Variants in RALYL observed in about 807,000 individuals in gnomAD.
RALYL encodes RALY RNA binding protein like, also known as RNA-binding Raly-like protein.
In RALYL, 29 loss-of-function variants were observed where a neutral mutation model predicts 35.1. That is an observed-to-expected ratio of 0.83 (90% CI 0.61 to 1.13). The LOEUF is 1.13. RALYL is among the 50% of genes most tolerant of loss of function. The pLI, the probability that RALYL is intolerant of heterozygous loss-of-function variation, is 0.00. For missense variants in RALYL, 359 were observed against 360.4 expected (o/e 1.00, Z 0.03); for synonymous variants, 120 against 127.6 (o/e 0.94, Z 0.40).
intron 1 of RALYL, among the ~76,000 whole-genome samples, chr8:84,317,294 G>A (rs1843936364): frequency 6.6e-6 from 1 of 152,046 alleles, no homozygotes; most frequent in Admixed American, 6.6e-5. Context: ...TAAACCAAAG[G>A]ACTTTTATTA....
intron 1 of RALYL, among the ~76,000 whole-genome samples, chr8:84,241,902 T>C (rs545858284): frequency 4.3e-4 from 65 of 152,084 alleles, no homozygotes; most frequent in Non-Finnish European, 7.6e-4. Context: ...GTGTGTTACA[T>C]AGGTAAACAT....
intron 1 of RALYL, among the ~76,000 whole-genome samples, chr8:84,305,454 C>T (rs142914827): frequency 6.8e-4 from 104 of 152,062 alleles, no homozygotes; most frequent in Non-Finnish European, 1.2e-3. Context: ...GGAAAAATAA[C>T]GTATATAGAG....
intron 2 of RALYL, among the ~76,000 whole-genome samples, chr8:84,592,342 C>A (rs1480445250): frequency 1.3e-5 from 2 of 152,088 alleles, no homozygotes; most frequent in African/African-American, 2.4e-5. Context: ...TCAAAAATAA[C>A]CGTGCTCACT....
At chr8:84,639,049 A>G (rs1013756630) in intron 2 of RALYL, among the ~76,000 whole-genome samples, 6 of 149,856 alleles carry the variant, frequency 4.0e-5, no homozygotes, top group African/African-American at 1.2e-4. Context: ...AGGCCTCATG[A>G]GTCAAAAGGT....
At chr8:84,468,972 C>G (rs1318240663) in intron 1 of RALYL, among the ~76,000 whole-genome samples, 1 of 151,248 alleles carries the variant, frequency 6.6e-6, no homozygotes, top group African/African-American at 2.4e-5. Context: ...ACGTAGTTCT[C>G]GAGCCTTGGT....
chr8:84,426,656 A>T (rs1354390023), intron 1 of RALYL, among the ~76,000 whole-genome samples: 1 of 152,164 alleles, frequency 6.6e-6, no homozygotes, highest in Non-Finnish European at 1.5e-5. Flanking sequence ...TGGGCAAAAG[A>T]CCTGACTAGA....
intron 7 of RALYL, among the ~76,000 whole-genome samples, chr8:84,885,241 T>C (rs1332031136): frequency 2.6e-5 from 4 of 152,120 alleles, no homozygotes; most frequent in Admixed American, 2.6e-4. Context: ...GAGAGTGTTT[T>C]GGTCTTTCTT....
intron 2 of RALYL, among the ~76,000 whole-genome samples, chr8:84,543,164 C>A (rs1195757935): frequency 6.6e-6 from 1 of 151,922 alleles, no homozygotes; most frequent in African/African-American, 2.4e-5. Context: ...AAGATTTATT[C>A]CTGGTGACTG....
chr8:84,834,552 C>T (rs374818067), intron 4 of RALYL, among the ~76,000 whole-genome samples: 1 of 152,114 alleles, frequency 6.6e-6, no homozygotes, highest in African/African-American at 2.4e-5. Flanking sequence ...AAAAGAAGCT[C>T]CTTCTTCTTC....
At chr8:84,570,160 T>G (rs2135762446) in intron 2 of RALYL, among the ~76,000 whole-genome samples, 1 of 152,114 alleles carries the variant, frequency 6.6e-6, no homozygotes, top group Admixed American at 6.6e-5. Context: ...GTGCTGAATC[T>G]GTAGGTGGCC....
intron 1 of RALYL, among the ~76,000 whole-genome samples, chr8:84,281,150 G>A (rs1836466185): frequency 6.6e-6 from 1 of 152,068 alleles, no homozygotes. Flanking sequence ...TTTTGATTTT[G>A]ATTCTGGATT....
At chr8:84,654,270 CATAT>C (rs143309933) in intron 2 of RALYL, among the ~76,000 whole-genome samples, 2,233 of 43,986 alleles carry the variant, frequency 0.051, 54 homozygotes, top group East Asian at 0.12. Flanking sequence ...TCTCATGTTC[CATAT>C]ATATATATAT....
chr8:84,765,001 G>C (rs1310622962), intron 2 of RALYL, among the ~76,000 whole-genome samples: 1 of 152,166 alleles, frequency 6.6e-6, no homozygotes, highest in Non-Finnish European at 1.5e-5. Flanking sequence ...TGGTACATTT[G>C]TGGGTTTTTT....
At chr8:84,272,126 A>G (rs1366572840) in intron 1 of RALYL, among the ~76,000 whole-genome samples, 3 of 151,790 alleles carry the variant, frequency 2.0e-5, no homozygotes, top group Admixed American at 1.3e-4. Context: ...GAGTTTCACT[A>G]TTGTTGCCCA....
intron 1 of RALYL, among the ~76,000 whole-genome samples, chr8:84,395,297 G>T (rs1302883231): frequency 2.0e-5 from 3 of 151,620 alleles, no homozygotes; most frequent in Non-Finnish European, 4.4e-5. Flanking sequence ...CAACCACATT[G>T]TGTCCTCTTA....
At chr8:84,418,760 T>A (rs2045055069) in intron 1 of RALYL, among the ~76,000 whole-genome samples, 1 of 151,826 alleles carries the variant, frequency 6.6e-6, no homozygotes, top group African/African-American at 2.4e-5. Context: ...AACTTTTACA[T>A]GCAATACCAT....
intron 2 of RALYL, among the ~76,000 whole-genome samples, chr8:84,545,592 G>T (rs1276251580): frequency 6.6e-6 from 1 of 151,938 alleles, no homozygotes; most frequent in Non-Finnish European, 1.5e-5. Flanking sequence ...TGTGTCTTTT[G>T]GAAGTGTTTT....
chr8:84,311,053 C>CAAAACAA (rs1842700535), intron 1 of RALYL, among the ~76,000 whole-genome samples: 1 of 9,522 alleles, frequency 1.1e-4, no homozygotes, highest in Non-Finnish European at 1.7e-4. Flanking sequence ...GACTCCGTCT[C>CAAAACAA]AAAAAAAAAA....
At chr8:84,365,093 G>A (rs1002345852) in intron 1 of RALYL, among the ~76,000 whole-genome samples, 2 of 152,008 alleles carry the variant, frequency 1.3e-5, no homozygotes, top group Non-Finnish European at 2.9e-5. Context: ...TATTAAATGA[G>A]CAAATCAATG....
Sources: gnomAD v4.1 joint callset for allele counts (sites outside exome capture counted in the v4.1 genomes callset) on GRCh38, gnomAD v4.1.1 for gene constraint, MANE v1.5 for transcripts, NCBI Gene and HGNC (gene_info 2026-07-23, HGNC 2026-07-21) for gene names.